Variants in BLACAT1 observed in about 807,000 individuals in gnomAD.
The protein encoded by BLACAT1 is bladder cancer associated transcript 1.
At chr1:205,447,372 GCT>G in intron 1 of BLACAT1, among the ~76,000 whole-genome samples, 1 of 152,274 alleles carries the variant, frequency 6.6e-6, no homozygotes, top group Non-Finnish European at 1.5e-5. Flanking sequence ...GAAATTAAGG[GCT>G]CTGAGATATT....
chr1:205,443,937 G>A (rs1309767449), intron 1 of BLACAT1, among the ~76,000 whole-genome samples: 1 of 152,132 alleles, frequency 6.6e-6, no homozygotes, highest in African/African-American at 2.4e-5. Flanking sequence ...TCTCTGCTTT[G>A]CTCGAGCAGG....
intron 1 of BLACAT1, among the ~76,000 whole-genome samples, chr1:205,444,797 G>A (rs1300217171): frequency 9.2e-5 from 14 of 152,062 alleles, no homozygotes; most frequent in Admixed American, 9.2e-4. Context: ...TAAACAAGAA[G>A]AGGGATATTG....
rs1265782984 is a variant in BLACAT1 at position 205,448,993 on chromosome 1, C to A, written c.-37+6924G>T. Among the ~76,000 whole-genome samples the A allele has an allele frequency of 6.6e-6, 1 of 152,128 alleles. No individual in the cohort carries two copies. The highest frequency in any genetic ancestry group is 2.4e-5 in the African/African-American group (1 of 41,430). Reference sequence around the variant, plus strand: ...GACCAGTCTGGGTGGTTACCGACAACACCCATTCTTGCATAGTTTAGAGGA... The same window carrying A: ...GACCAGTCTGGGTGGTTACCGACAAAACCCATTCTTGCATAGTTTAGAGGA... On this transcript the variant is annotated intron_variant, in intron 1 of 1. Transcript: ENST00000629624. The surrounding 1 kb of genome is among the most constrained non-coding windows in gnomAD (Gnocchi z 4.7).
downstream of BLACAT1, among the ~76,000 whole-genome samples, chr1:205,438,729 C>T (rs1055605880): frequency 1.3e-5 from 2 of 152,048 alleles, no homozygotes. Context: ...AACTGGACCT[C>T]CACTCAGAAC....
chr1:205,452,666 T>C (rs1435749473), intron 1 of BLACAT1, among the ~76,000 whole-genome samples: 1 of 152,208 alleles, frequency 6.6e-6, no homozygotes, highest in Non-Finnish European at 1.5e-5. Context: ...CGTTGGAGCT[T>C]ACTCATCCTC....
intron 1 of BLACAT1, among the ~76,000 whole-genome samples, chr1:205,453,035 G>A (rs1443946782): frequency 6.6e-6 from 1 of 152,142 alleles, no homozygotes; most frequent in Non-Finnish European, 1.5e-5. Flanking sequence ...AACAGGTTAT[G>A]GGGTGTGAGT....
At chr1:205,445,952 AAGAG>A (rs1388343489) in intron 1 of BLACAT1, among the ~76,000 whole-genome samples, 1 of 152,156 alleles carries the variant, frequency 6.6e-6, no homozygotes, top group Non-Finnish European at 1.5e-5. Flanking sequence ...CAAATACAAT[AAGAG>A]AGAGTCATCT....
At chr1:205,453,512 G>T (rs904528668) in intron 1 of BLACAT1, among the ~76,000 whole-genome samples, 1 of 152,198 alleles carries the variant, frequency 6.6e-6, no homozygotes, top group Non-Finnish European at 1.5e-5. Context: ...TTCTCTAGTT[G>T]TTCCAGGAGC....
intron 1 of BLACAT1, among the ~76,000 whole-genome samples, chr1:205,451,373 C>T (rs1048789491): frequency 5.3e-5 from 8 of 152,176 alleles, no homozygotes; most frequent in African/African-American, 1.4e-4. Flanking sequence ...CCCATTCAGC[C>T]GGATTTGGGA....
At chr1:205,443,671 G>A (rs1666335013) in intron 1 of BLACAT1, among the ~76,000 whole-genome samples, 1 of 152,188 alleles carries the variant, frequency 6.6e-6, no homozygotes, top group Admixed American at 6.5e-5. Context: ...AAAGTGCTCT[G>A]GTTATCCTTC....
downstream of BLACAT1, among the ~76,000 whole-genome samples, chr1:205,439,882 G>A (rs1666265063): frequency 6.6e-6 from 1 of 151,124 alleles, no homozygotes; most frequent in African/African-American, 2.4e-5. Context: ...AAGAGGGAAG[G>A]AAATGCTTTT....
At chr1:205,442,123 AG>A (rs1391882077) in intron 1 of BLACAT1, among the ~76,000 whole-genome samples, 2 of 152,212 alleles carry the variant, frequency 1.3e-5, no homozygotes, top group African/African-American at 4.8e-5. Flanking sequence ...GGAGAAGCTG[AG>A]AACAAAGGAA....
intron 1 of BLACAT1, among the ~76,000 whole-genome samples, chr1:205,447,172 A>C (rs1435792248): frequency 6.6e-6 from 1 of 152,242 alleles, no homozygotes; most frequent in Non-Finnish European, 1.5e-5. Context: ...ACGTGGGTTC[A>C]CGTCCCAGTT....
In BLACAT1 at chr1:205,440,956, TC is replaced by T. The variant is rs1032102211; in HGVS notation, c.70del (p.Glu24LysfsTer105). On this transcript the variant is annotated frameshift_variant, in exon 2 of 2. Transcript: ENST00000629624. LOFTEE classifies it high-confidence loss of function. ...CGCCGTCTCCCGCTCTCTGTGAACT[TC>T]CTCCTTCTTCCTCTTCATTTTGCAG... 1 of 152,348 alleles carries T rather than the reference TC, an allele frequency of 6.6e-6. No homozygotes were observed. The highest frequency in any genetic ancestry group is 2.4e-5 in the African/African-American group (1 of 41,434). 9.4% of individuals were successfully genotyped at this position (152,348 alleles called of 1,614,324 possible).
At chr1:205,443,495 G>GCTGGCCTACACATC (rs1370994131) in intron 1 of BLACAT1, among the ~76,000 whole-genome samples, 3 of 152,168 alleles carry the variant, frequency 2.0e-5, no homozygotes, top group Non-Finnish European at 4.4e-5. Context: ...CACATCAGAG[G>GCTGGCCTACACATC]AAAGGAGAGC....
chr1:205,440,347 T>C (rs1666271818), exon 2 of BLACAT1, among the ~76,000 whole-genome samples: 1 of 152,212 alleles, frequency 6.6e-6, no homozygotes, highest in Non-Finnish European at 1.5e-5. Context: ...TCCTCCTCAC[T>C]GGGCTGGCCA....
chr1:205,446,228 A>G (rs1666385967), intron 1 of BLACAT1, among the ~76,000 whole-genome samples: 1 of 152,248 alleles, frequency 6.6e-6, no homozygotes, highest in Non-Finnish European at 1.5e-5. Context: ...CATTGGCAGT[A>G]GCCAAGAGAC....
At chr1:205,440,231 C>A (rs1394544373) in exon 2 of BLACAT1, among the ~76,000 whole-genome samples, 2 of 152,134 alleles carry the variant, frequency 1.3e-5, no homozygotes, top group Non-Finnish European at 2.9e-5. Flanking sequence ...GGCAAGGAGG[C>A]ACAGGCATCA....
intron 1 of BLACAT1, among the ~76,000 whole-genome samples, chr1:205,453,896 C>T (rs1013466133): frequency 1.3e-5 from 2 of 152,204 alleles, no homozygotes; most frequent in African/African-American, 4.8e-5. Context: ...TGCATTTCAA[C>T]CTGAGCAATT....
Sources: gnomAD v4.1 joint callset for allele counts (sites outside exome capture counted in the v4.1 genomes callset) on GRCh38, gnomAD v4.1.1 for gene constraint, Gnocchi (gnomAD v3.1) non-coding constraint, MANE v1.5 for transcripts, NCBI Gene and HGNC (gene_info 2026-07-23, HGNC 2026-07-21) for gene names.